OTOGL: variants seen among roughly 807,000 people sequenced by gnomAD.
OTOGL encodes the protein otogelin like, also known as otogelin-like protein.
Under a neutral mutation model 318.5 loss-of-function variants are expected in OTOGL, and 285 were observed. That is an observed-to-expected ratio of 0.89 (90% confidence interval 0.81 to 0.99). OTOGL has a LOEUF of 0.99. OTOGL is among the 50% of genes least tolerant of loss of function. The probability of loss-of-function intolerance (pLI) is 0.00; values close to 1 mark genes in which losing one functional copy is unlikely to be tolerated. For missense variants in OTOGL, 2,899 were observed against 2,845.6 expected (o/e 1.02, Z -0.43); for synonymous variants, 987 against 936.5 (o/e 1.05, Z -0.99).
intron 1 of OTOGL, among the ~76,000 whole-genome samples, chr12:80,156,567 A>G (rs576382300): frequency 6.6e-6 from 1 of 152,248 alleles, no homozygotes; most frequent in South Asian, 2.1e-4. Flanking sequence ...GGTGGGAGAT[A>G]ATTGAGTCAT....
At chr12:80,121,903 C>T (rs1870509120) in intron 1 of OTOGL, among the ~76,000 whole-genome samples, 1 of 152,054 alleles carries the variant, frequency 6.6e-6, no homozygotes, top group Non-Finnish European at 1.5e-5. Flanking sequence ...AGTAAGAATG[C>T]AAGAAATGCA....
At chr12:80,144,087 G>GTATATAAAACTTAAA (rs1872146051) in intron 1 of OTOGL, among the ~76,000 whole-genome samples, 2 of 150,006 alleles carry the variant, frequency 1.3e-5, no homozygotes, top group Non-Finnish European at 3.0e-5. Context: ...TTAAGTTTTA[G>GTATATAAAACTTAAA]GGTACTTGTG....
chr12:80,374,644 CT>C (rs34577766), intron 57 of OTOGL, among the ~76,000 whole-genome samples: 20 of 150,156 alleles, frequency 1.3e-4, no homozygotes, highest in South Asian at 6.3e-4. Flanking sequence ...TAAGATTTCA[CT>C]TTTTTTTTTC....
rs1450509186 is a variant in OTOGL, at chr12:80,318,618, G to T, written c.3707G>T (p.Ser1236Ile). 1 of 1,472,556 alleles carries T rather than the reference G, an allele frequency of 6.8e-7. No homozygotes were observed. Among genetic ancestry groups the T allele is most frequent in the Non-Finnish European group, 9.0e-7 (1 of 1,110,678 alleles). The allele number at this position is 1,472,556 out of a possible 1,614,324, so 91.2% of individuals were successfully genotyped here. A position where few individuals can be genotyped will look rare whatever the true frequency, so the allele number is the denominator to read the frequency against. Residue 1236 changes from serine (S) to isoleucine (I), a missense_variant, in exon 33 of 59, where the codon AGC becomes ATC. Ser to Ile is a moderately radical substitution (Grantham distance 142). Transcript: ENST00000547103. ...CTTGTTCTGGGGGCCAATATGACCA[G>T]CAGAAGCGTTTTCTGTTTGCCGAGA... ...SGLVLGANMT[S>I]RSVFCLPRSS...
At chr12:80,322,389 A>C (rs936066070) in intron 34 of OTOGL, among the ~76,000 whole-genome samples, 1 of 152,176 alleles carries the variant, frequency 6.6e-6, no homozygotes, top group Non-Finnish European at 1.5e-5. Context: ...CATCATCAGA[A>C]TATCAGAAGC....
intron 46 of OTOGL, among the ~76,000 whole-genome samples, chr12:80,354,171 G>A (rs1205249488): frequency 6.6e-6 from 1 of 152,158 alleles, no homozygotes; most frequent in Non-Finnish European, 1.5e-5. Flanking sequence ...GACTAGATTA[G>A]TTCTAGCAGA....
At chr12:80,326,321 T>C (rs1274692733) in intron 35 of OTOGL, among the ~76,000 whole-genome samples, 3 of 152,152 alleles carry the variant, frequency 2.0e-5, no homozygotes, top group African/African-American at 7.2e-5. Flanking sequence ...ATGTAAATAC[T>C]GTTATTCCTA....
rs151332934 is a variant in OTOGL, at chr12:80,190,219, T to G, written c.-19-19194T>G. Among the ~76,000 whole-genome samples, 473 of 152,364 alleles carry G rather than the reference T, an allele frequency of 3.1e-3. 3 individuals are homozygous for G. Among genetic ancestry groups the G allele is most frequent in the Admixed American group, 5.2e-3 (80 of 15,310 alleles). On this transcript the variant is annotated intron_variant, in intron 1 of 58. Transcript: ENST00000547103. ...CTGAGTCATTTGTTTGGGAACAGGA[T>G]GTGCTGTGCATCTTAACTGATAGAT...
intron 24 of OTOGL, among the ~76,000 whole-genome samples, chr12:80,274,389 G>C (rs1173662382): frequency 6.6e-6 from 1 of 152,018 alleles, no homozygotes; most frequent in Admixed American, 6.6e-5. Flanking sequence ...TTCTGCAAAG[G>C]CTTAATCCAT....
Position 80,298,372 on chromosome 12 carries a change from T to C in OTOGL, c.3063+1411T>C, listed in dbSNP as rs189531726. Among the ~76,000 whole-genome samples the C allele has an allele frequency of 3.3e-4, 50 of 152,314 alleles. 1 individual carries two copies. Among genetic ancestry groups the C allele is most frequent in the African/African-American group, 1.2e-3 (48 of 41,562 alleles). On this transcript the variant is annotated intron_variant, in intron 27 of 58. Coordinates refer to ENST00000547103, the MANE Select transcript of OTOGL (RefSeq NM_001378609.3). ...AACCTCTGTTCCATTACCTGCTTGCTCTGTAACTTTGGGCAGGTTTACTTA... is the reference window on the plus strand; with the variant it reads ...AACCTCTGTTCCATTACCTGCTTGCCCTGTAACTTTGGGCAGGTTTACTTA...
At chr12:80,162,275 T>C (rs1177988814) in intron 1 of OTOGL, among the ~76,000 whole-genome samples, 1 of 152,142 alleles carries the variant, frequency 6.6e-6, no homozygotes, top group Non-Finnish European at 1.5e-5. Context: ...ACCATCGAAA[T>C]TGCAGTATCA....
At chr12:80,128,029 T>C (rs1870970594) in intron 1 of OTOGL, among the ~76,000 whole-genome samples, 2 of 152,242 alleles carry the variant, frequency 1.3e-5, no homozygotes, top group Admixed American at 1.3e-4. Context: ...TGAAGCCTTC[T>C]TCTATCAACT....
chr12:80,112,705 C>CTTTTTTTTTTTTTT (rs546093754), intron 1 of OTOGL, among the ~76,000 whole-genome samples: 3 of 128,672 alleles, frequency 2.3e-5, no homozygotes, highest in Non-Finnish European at 3.3e-5. Context: ...CTGAAATTTT[C>CTTTTTTTTTTTTTT]TTTCTTTTTT....
At position 80,320,427 on chromosome 12, in the gene OTOGL, G is replaced by A. The variant is rs1188999794; in HGVS notation, c.3808G>A (p.Ala1270Thr). The stretch of plus-strand genomic sequence containing the variant: ...CACTGCTCTATATTTTACAGCATTA[G>A]CACTTGTTTCCTTGGAATCTGCTGA... ...GLFKEKVSSL[A>T]LVSLESAERP... Residue 1270 changes from alanine to threonine, a missense_variant, in exon 34 of 59, where the codon GCA becomes ACA. Transcript: ENST00000547103. 7.4e-6 allele frequency: 12 copies of A among 1,611,388 alleles called. No individual in the cohort carries two copies. Among genetic ancestry groups the A allele is most frequent in the Admixed American group, 5.0e-5 (3 of 59,854 alleles).
At position 80,304,527 on chromosome 12, in the gene OTOGL, T is replaced by A. The variant is rs551090878; in HGVS notation, c.3214-1049T>A. Among the ~76,000 whole-genome samples, 292 of 152,290 alleles carry A rather than the reference T, an allele frequency of 1.9e-3. 2 individuals are homozygous for A. Among genetic ancestry groups the A allele is most frequent in the African/African-American group, 6.4e-3 (267 of 41,576 alleles). On this transcript the variant is annotated intron_variant, in intron 28 of 58. Transcript: ENST00000547103. Reference sequence around the variant, plus strand: ...CAAAAATACAGAAAAGATACATTTTTAAAAAAGATTTTAATATGTCATAAA... The same window carrying A: ...CAAAAATACAGAAAAGATACATTTTAAAAAAAGATTTTAATATGTCATAAA...
intron 1 of OTOGL, among the ~76,000 whole-genome samples, chr12:80,196,548 G>A (rs1876081977): frequency 6.6e-6 from 1 of 152,192 alleles, no homozygotes; most frequent in African/African-American, 2.4e-5. Context: ...TGTGGGAAGT[G>A]GAGGGGGTTT....
At chr12:80,213,147 T>C (rs1461342121) in intron 4 of OTOGL, among the ~76,000 whole-genome samples, 3 of 152,224 alleles carry the variant, frequency 2.0e-5, no homozygotes, top group African/African-American at 7.2e-5. Flanking sequence ...GGTGAATTAT[T>C]CATGAGTTTT....
chr12:80,269,674 T>C (rs1462886888), intron 22 of OTOGL, among the ~76,000 whole-genome samples: 3 of 152,212 alleles, frequency 2.0e-5, no homozygotes, highest in Non-Finnish European at 4.4e-5. Context: ...TCAAAACTGT[T>C]CAGACTTTAC....
rs559616140 is a variant in OTOGL, at chr12:80,370,632, A to G, written c.6678A>G (p.Ala2226=). The part of the protein sequence containing the change: ...TYECVKTDEG[A]IILNYTMVCP... ...AATGTGTTAAAACTGATGAAGGAGC[A>G]ATAATTCTGAACTACACAATGGTCT... The change falls in exon 56 of 59, where the codon GCA becomes GCG. Residue 2226 remains alanine, a synonymous_variant. Transcript: ENST00000547103. 1.9e-6 allele frequency: 3 copies of G among 1,593,176 alleles called. No homozygotes were observed. The highest frequency in any genetic ancestry group is 1.7e-5 in the Admixed American group (1 of 58,726).
Sources: allele counts gnomAD v4.1 joint callset (sites outside exome capture counted in the v4.1 genomes callset), GRCh38; gene constraint gnomAD v4.1.1; transcripts MANE v1.5; gene names NCBI Gene and HGNC (gene_info 2026-07-23, HGNC 2026-07-21).